Variants in NOL4 observed in about 807,000 individuals in gnomAD.
NOL4 encodes nucleolar protein 4, also known as cancer/testis antigen 125.
Under a neutral mutation model 75.9 loss-of-function variants are expected in NOL4, and 17 were observed. The ratio of observed to expected loss-of-function variants is 0.22; its 90% CI spans 0.15 to 0.34. The LOEUF (loss-of-function observed/expected upper bound fraction) is 0.34, where lower values mean the gene tolerates loss of function less well. Among genes scored for constraint, NOL4 ranks in the 10% least tolerant of loss-of-function variants. The pLI is 1.00. For missense variants in NOL4, 614 were observed against 793.5 expected (o/e 0.77, Z 2.72); for synonymous variants, 292 against 289.9 (o/e 1.01, Z -0.07).
intron 10 of NOL4, among the ~76,000 whole-genome samples, chr18:33,878,372 G>T (rs1322293865): frequency 6.6e-6 from 1 of 151,946 alleles, no homozygotes; most frequent in Non-Finnish European, 1.5e-5. Context: ...TAATGAAAAA[G>T]CAATGCTTTC....
chr18:34,146,783 G>C (rs2146046420), intron 1 of NOL4, among the ~76,000 whole-genome samples: 1 of 151,994 alleles, frequency 6.6e-6, no homozygotes, highest in East Asian at 1.9e-4. Context: ...GACGGGGATA[G>C]CATTGAATCT....
chr18:34,024,194 A>AAATATATATATATATAT, intron 5 of NOL4, among the ~76,000 whole-genome samples: 36 of 70,674 alleles, frequency 5.1e-4, no homozygotes, highest in Non-Finnish European at 8.5e-4. Flanking sequence ...AAAAAAAAAA[A>AAATATATATATATATAT]ATATATATAT....
At chr18:33,862,277 G>T (rs1320569185) in intron 10 of NOL4, among the ~76,000 whole-genome samples, 3 of 152,044 alleles carry the variant, frequency 2.0e-5, no homozygotes, top group Non-Finnish European at 4.4e-5. Context: ...ATTCAAGATG[G>T]ATTAAAGACT....
intron 9 of NOL4, among the ~76,000 whole-genome samples, chr18:33,935,096 C>A (rs181610195): frequency 1.3e-5 from 2 of 152,122 alleles, no homozygotes; most frequent in Admixed American, 1.3e-4. Flanking sequence ...AACTTCTGGG[C>A]TCAAGCAGTC....
intron 1 of NOL4, among the ~76,000 whole-genome samples, chr18:34,219,943 G>T (rs988303118): frequency 1.1e-4 from 16 of 152,184 alleles, no homozygotes; most frequent in African/African-American, 3.9e-4. Context: ...TGGCAGATAT[G>T]TCCCCTCAGG....
At chr18:34,016,721 C>T (rs1376968153) in intron 6 of NOL4, among the ~76,000 whole-genome samples, 3 of 152,082 alleles carry the variant, frequency 2.0e-5, no homozygotes, top group African/African-American at 7.2e-5. Flanking sequence ...TCATTTCACC[C>T]TCCTGACCAT....
At chr18:33,942,439 C>A (rs1172252155) in intron 9 of NOL4, among the ~76,000 whole-genome samples, 2 of 151,656 alleles carry the variant, frequency 1.3e-5, no homozygotes, top group Non-Finnish European at 2.9e-5. Context: ...GAGGGAAACA[C>A]CAGTGAGCAA....
intron 6 of NOL4, among the ~76,000 whole-genome samples, chr18:33,969,485 A>G (rs963159031): frequency 6.6e-6 from 1 of 152,152 alleles, no homozygotes; most frequent in African/African-American, 2.4e-5. Context: ...GTAATTTCTC[A>G]GCTTTTTCCA....
At chr18:34,118,586 A>G (rs1474468705) in intron 2 of NOL4, among the ~76,000 whole-genome samples, 1 of 152,196 alleles carries the variant, frequency 6.6e-6, no homozygotes, top group Non-Finnish European at 1.5e-5. Context: ...CATATCTTCA[A>G]TTCAAGGAAC....
intron 1 of NOL4, among the ~76,000 whole-genome samples, chr18:34,170,875 A>C (rs1568417178): frequency 6.6e-6 from 1 of 152,214 alleles, no homozygotes; most frequent in Non-Finnish European, 1.5e-5. Flanking sequence ...CAAGATGTTG[A>C]GCAGCCTAAA....
intron 6 of NOL4, among the ~76,000 whole-genome samples, chr18:33,983,501 TAC>T (rs1264674556): frequency 1.3e-5 from 2 of 151,964 alleles, no homozygotes; most frequent in African/African-American, 4.8e-5. Flanking sequence ...CACACACAGA[TAC>T]ACACACATAT....
At chr18:33,885,707 T>A (rs1236458702) in intron 9 of NOL4, among the ~76,000 whole-genome samples, 1 of 152,132 alleles carries the variant, frequency 6.6e-6, no homozygotes, top group South Asian at 2.1e-4. Context: ...AGGGAACCCT[T>A]GTACACTGTT....
chr18:34,168,938 T>C (rs1419774074), intron 1 of NOL4, among the ~76,000 whole-genome samples: 3 of 151,876 alleles, frequency 2.0e-5, no homozygotes, highest in Non-Finnish European at 4.4e-5. Flanking sequence ...AATAGAAATA[T>C]ACAAATACTT....
rs2064424362 is a variant in NOL4 at position 33,883,329 on chromosome 18, G to A, written c.1638C>T (p.Tyr546=). 1 of 1,613,190 alleles carries A rather than the reference G, an allele frequency of 6.2e-7. No individual in the cohort carries two copies. The highest frequency in any genetic ancestry group is 8.5e-7 in the Non-Finnish European group (1 of 1,179,410). The change falls in exon 10 of 11, where the codon TAC becomes TAT. Residue 546 remains tyrosine, a synonymous_variant. Coordinates refer to ENST00000261592, the MANE Select transcript of NOL4 (RefSeq NM_003787.5). ...SAVPGSQDVL[Y]INGNGTYSYH... is the part of the protein sequence containing the mutation. ...AACTATAGGTCCCATTTCCATTGAT[G>A]TACAGCACGTCCTGTGAGCCTGGAA... is the stretch of plus-strand genomic sequence containing the variant.
At chr18:33,901,901 G>A (rs1434753199) in intron 9 of NOL4, among the ~76,000 whole-genome samples, 1 of 152,036 alleles carries the variant, frequency 6.6e-6, no homozygotes, top group Non-Finnish European at 1.5e-5. Context: ...CCAGTAAGTA[G>A]AAGACAGAAG....
At chr18:33,865,643 G>T (rs1339060129) in intron 10 of NOL4, among the ~76,000 whole-genome samples, 1 of 152,092 alleles carries the variant, frequency 6.6e-6, no homozygotes, top group Non-Finnish European at 1.5e-5. Flanking sequence ...GACCAAATAT[G>T]AGAGGTAAGT....
Position 33,935,606 on chromosome 18 carries a change from G to A in NOL4, c.1542+7459C>T, listed in dbSNP as rs77896311. On this transcript the variant is annotated intron_variant, in intron 9 of 10. Coordinates refer to ENST00000261592, the MANE Select transcript of NOL4 (RefSeq NM_003787.5). ...ATCATGATGAAAAATTTGAAATATT[G>A]TGGAGAGTTACCAATATGTGACATA... is the stretch of plus-strand genomic sequence containing the variant. 3.5e-3 allele frequency among the ~76,000 whole-genome samples: 539 copies of A among 152,166 alleles called. 6 individuals are homozygous for A. The highest frequency in any genetic ancestry group is 0.013 in the African/African-American group (520 of 41,504).
At chr18:34,048,311 G>A in intron 5 of NOL4, 1 of 401,522 alleles carries the variant, frequency 2.5e-6, no homozygotes, top group Non-Finnish European at 3.4e-6. Flanking sequence ...AATAACAACT[G>A]AACTAGGAAA....
At chr18:33,914,075 T>C (rs2066567878) in intron 9 of NOL4, among the ~76,000 whole-genome samples, 1 of 152,094 alleles carries the variant, frequency 6.6e-6, no homozygotes, top group African/African-American at 2.4e-5. Flanking sequence ...ATATTTAAAA[T>C]ATGCATTTTA....
Sources: gnomAD v4.1 joint callset for allele counts (sites outside exome capture counted in the v4.1 genomes callset) on GRCh38, gnomAD v4.1.1 for gene constraint, MANE v1.5 for transcripts, NCBI Gene and HGNC (gene_info 2026-07-23, HGNC 2026-07-21) for gene names.